MIGA2: variants seen among roughly 807,000 people sequenced by gnomAD.
MIGA2 encodes family with sequence similarity 73, member B.
MIGA2 carries 36 observed loss-of-function variants against 69.9 expected under a neutral mutation model. The ratio of observed to expected loss-of-function variants is 0.52; its 90% CI spans 0.39 to 0.68. The LOEUF is 0.68. Ranked by LOEUF, MIGA2 falls within the 30% of genes least tolerant of loss-of-function variation. MIGA2 has a pLI of 0.00. For synonymous variants in MIGA2, 333 were observed against 349.2 expected (o/e 0.95, Z 0.52); for missense variants, 660 against 787.7 (o/e 0.84, Z 1.94).
At chr9:129,054,345 C>G (rs748007246) in intron 6 of MIGA2, among the ~76,000 whole-genome samples, 38 of 152,180 alleles carry the variant, frequency 2.5e-4, no homozygotes, top group Middle Eastern at 3.4e-3. Context: ...GTAGTCCCAG[C>G]TACTCAGGAG....
Position 129,061,437 on chromosome 9 carries a change from C to T in MIGA2, c.1010+91C>T. The stretch of plus-strand genomic sequence containing the variant: ...AGGCGGAGAAGCCAGCGGTGCTTGG[C>T]GAGGACTTAGCCTGAGTGAGTCCAG... On this transcript the variant is annotated intron_variant, in intron 9 of 15. Coordinates refer to ENST00000684074, the MANE Select transcript of MIGA2 (RefSeq NM_001329990.2). The surrounding 1 kb of genome is among the most constrained non-coding windows in gnomAD (Gnocchi z 5.0). 7.4e-6 allele frequency: 9 copies of T among 1,209,658 alleles called. 1 individual carries two copies. The South Asian group carries it at 1.0e-4, about 13-fold the overall frequency. The allele number at this position is 1,209,658 out of a possible 1,614,324, so 74.9% of individuals were successfully genotyped here.
At chr9:129,047,934 GC>G (rs893503311) in intron 3 of MIGA2, among the ~76,000 whole-genome samples, 24 of 151,852 alleles carry the variant, frequency 1.6e-4, no homozygotes, top group Non-Finnish European at 3.5e-4. Context: ...TCGCCATGTT[GC>G]CCAGGCTGGT....
chr9:129,052,505 G>A (rs1041261056), intron 6 of MIGA2, among the ~76,000 whole-genome samples: 6 of 152,048 alleles, frequency 3.9e-5, no homozygotes, highest in Admixed American at 6.6e-5. Flanking sequence ...GGCCAGGCAC[G>A]GTGCCTCACA....
chr9:129,042,532 G>T lies in MIGA2; in HGVS notation c.307+18G>T. 1 of 1,545,576 alleles carries T rather than the reference G, an allele frequency of 6.5e-7. No individual in the cohort carries two copies. The highest frequency in any genetic ancestry group is 8.7e-7 in the Non-Finnish European group (1 of 1,148,168). On this transcript the variant is annotated intron_variant, in intron 3 of 15. Coordinates refer to ENST00000684074, the MANE Select transcript of MIGA2 (RefSeq NM_001329990.2). ...GAAGAAAGGTAGGTGTGAGGTGGTG[G>T]GCATAGGCCTGACCTGAGGTCACAT...
intron 5 of MIGA2, 54 bp downstream of exon 5, chr9:129,049,552 C>G (rs1845411315): frequency 6.4e-7 from 1 of 1,556,350 alleles, no homozygotes; most frequent in African/African-American, 1.4e-5. Context: ...CAGGAACAGT[C>G]CCTTCCTAGG....
At chr9:129,045,864 GT>G (rs1048709204) in intron 3 of MIGA2, among the ~76,000 whole-genome samples, 1 of 149,008 alleles carries the variant, frequency 6.7e-6, no homozygotes, top group Admixed American at 6.7e-5. Context: ...TTTTTTTTTG[GT>G]TTTTTTTTAG....
intron 1 of MIGA2, among the ~76,000 whole-genome samples, chr9:129,039,403 GC>G (rs1211905972): frequency 6.6e-6 from 1 of 151,536 alleles, no homozygotes; most frequent in Non-Finnish European, 1.5e-5. Flanking sequence ...CCGCTACAAC[GC>G]CCGGCTAATT....
In MIGA2 at chr9:129,049,886, CG is replaced by C; in HGVS notation, c.604del (p.Asp202ThrfsTer61). 6.2e-7 allele frequency: 1 copy of C among 1,613,874 alleles called. No homozygotes were observed. ...KWEQALSVGQRGDSGSTPMPR... is the reference protein window; with the variant it reads ...KWEQALSVGQXGDSGSTPMPR... The stretch of plus-strand genomic sequence containing the variant: ...GGAGCAGGCACTAAGCGTGGGCCAG[CG>C]GGGGGACAGCGGCAGCACCCCCATG... On this transcript the variant is annotated frameshift_variant, in exon 6 of 16. Coordinates refer to ENST00000684074, the MANE Select transcript of MIGA2 (RefSeq NM_001329990.2). LOFTEE classifies it high-confidence loss of function.
chr9:129,047,433 G>C (rs1174168180), intron 3 of MIGA2, among the ~76,000 whole-genome samples: 1 of 146,746 alleles, frequency 6.8e-6, no homozygotes, highest in African/African-American at 2.6e-5. Flanking sequence ...TTTTTTTTTT[G>C]AGACATTCTT....
chr9:129,059,106 A>G lies in MIGA2; in HGVS notation c.676-48A>G, dbSNP rs960807455. On this transcript the variant is annotated intron_variant, in intron 6 of 15. Coordinates refer to ENST00000684074, the MANE Select transcript of MIGA2 (RefSeq NM_001329990.2). This position sits in a 1 kb window ranked among gnomAD's most constrained non-coding sequence, Gnocchi z 5.6. ...GGGGGTGAGGGAAGGGGCCATTTTC[A>G]TCGGGAGCTTTGAGGGTCTGGGTTG... is the stretch of plus-strand genomic sequence containing the variant. 1.3e-6 allele frequency: 2 copies of G among 1,563,702 alleles called. No individual in the cohort carries two copies. The highest frequency in any genetic ancestry group is 1.8e-6 in the Non-Finnish European group (2 of 1,135,850).
At chr9:129,058,370 T>C (rs954532236) in intron 6 of MIGA2, among the ~76,000 whole-genome samples, 1 of 146,592 alleles carries the variant, frequency 6.8e-6, no homozygotes, top group East Asian at 2.0e-4. Context: ...GCCACTGCAC[T>C]GCGGGCTGGG....
chr9:129,065,438 C>T (rs1048967034), intron 11 of MIGA2, among the ~76,000 whole-genome samples: 39 of 152,124 alleles, frequency 2.6e-4, no homozygotes, highest in African/African-American at 8.7e-4. Flanking sequence ...CTCTGCCTCC[C>T]AGGTTCAAGT....
Position 129,060,227 on chromosome 9 carries a change from T to C in MIGA2, c.794-323T>C, listed in dbSNP as rs1446659899. Among the ~76,000 whole-genome samples, 1 of 152,184 alleles carries C rather than the reference T, an allele frequency of 6.6e-6. No individual in the cohort carries two copies. The highest frequency in any genetic ancestry group is 1.5e-5 in the Non-Finnish European group (1 of 68,026). On this transcript the variant is annotated intron_variant, in intron 7 of 15. Transcript: ENST00000684074. This position sits in a 1 kb window ranked among gnomAD's most constrained non-coding sequence, Gnocchi z 4.8. ...GCCACACAGTTCAAGGTCCTCCCCC[T>C]GCAGAGCTTGGGCCTTCAGGCCTCA...
chr9:129,042,034 C>T (rs565218208), intron 2 of MIGA2: 86 of 483,718 alleles, frequency 1.8e-4, no homozygotes, highest in African/African-American at 1.3e-3. Context: ...TTGTTCACTG[C>T]GGCTTGTGTG....
chr9:129,059,114 C>G lies in MIGA2; in HGVS notation c.676-40C>G, dbSNP rs1845935524. ...GGGAAGGGGCCATTTTCATCGGGAGCTTTGAGGGTCTGGGTTGAGGGTCCT... is the reference window on the plus strand; with the variant it reads ...GGGAAGGGGCCATTTTCATCGGGAGGTTTGAGGGTCTGGGTTGAGGGTCCT... On this transcript the variant is annotated intron_variant, in intron 6 of 15. Transcript: ENST00000684074. The surrounding 1 kb of genome is among the most constrained non-coding windows in gnomAD (Gnocchi z 5.6). 4 of 1,583,196 alleles carry G rather than the reference C, an allele frequency of 2.5e-6. No homozygotes were observed. The highest frequency in any genetic ancestry group is 2.6e-6 in the Non-Finnish European group (3 of 1,153,248).
At chr9:129,038,717 T>C (rs1039297219) in intron 1 of MIGA2, among the ~76,000 whole-genome samples, 6 of 151,968 alleles carry the variant, frequency 3.9e-5, no homozygotes, top group African/African-American at 1.5e-4. Context: ...AGTTTCCTCA[T>C]TGGAAACCAG....
rs1845996256 is a variant in MIGA2, at chr9:129,060,280, G to A, written c.794-270G>A. Among the ~76,000 whole-genome samples, 1 of 152,198 alleles carries A rather than the reference G, an allele frequency of 6.6e-6. No homozygotes were observed. Among genetic ancestry groups the A allele is most frequent in the African/African-American group, 2.4e-5 (1 of 41,462 alleles). On this transcript the variant is annotated intron_variant, in intron 7 of 15. Transcript: ENST00000684074. The surrounding 1 kb of genome is among the most constrained non-coding windows in gnomAD (Gnocchi z 4.8). ...TCCAGCGGTGCAACCTGTGAGCCTG[G>A]CAGAGCCGCTCACCAGCCGAGGGCT... is the stretch of plus-strand genomic sequence containing the variant.
At position 129,045,466 on chromosome 9, in the gene MIGA2, A is replaced by T. The variant is rs1039896800; in HGVS notation, c.307+2952A>T. On this transcript the variant is annotated intron_variant, in intron 3 of 15. Transcript: ENST00000684074. Reference sequence around the variant, plus strand: ...CAAAAAAAAAAAAAAAAAAAAAAAAAAGCAAAAGTAGACCGGGTGTGGTGG... The same window carrying T: ...CAAAAAAAAAAAAAAAAAAAAAAAATAGCAAAAGTAGACCGGGTGTGGTGG... Among the ~76,000 whole-genome samples, 109 of 150,894 alleles carry T rather than the reference A, an allele frequency of 7.2e-4. 1 individual carries two copies. Among genetic ancestry groups the T allele is most frequent in the Admixed American group, 1.2e-3 (18 of 15,096 alleles).
intron 1 of MIGA2, among the ~76,000 whole-genome samples, chr9:129,038,760 A>G (rs1844728675): frequency 1.3e-5 from 2 of 149,106 alleles, no homozygotes; most frequent in Non-Finnish European, 3.0e-5. Context: ...GGTGGCATCA[A>G]CTTCACATAA....
Sources: allele counts gnomAD v4.1 joint callset (sites outside exome capture counted in the v4.1 genomes callset), GRCh38; gene constraint gnomAD v4.1.1; non-coding constraint Gnocchi (gnomAD v3.1); transcripts MANE v1.5; gene names NCBI Gene and HGNC (gene_info 2026-07-23, HGNC 2026-07-21).